Variants in CHEK1 observed in about 807,000 individuals in gnomAD.
The protein encoded by CHEK1 is checkpoint kinase 1.
In CHEK1, 32 loss-of-function variants were observed where a neutral mutation model predicts 60.2. That is an observed-to-expected ratio of 0.53 (90% CI 0.40 to 0.71). The LOEUF is 0.71. Ranked by LOEUF, CHEK1 falls within the 30% of genes least tolerant of loss-of-function variation. The pLI, the probability that CHEK1 is intolerant of heterozygous loss-of-function variation, is 0.00. For missense variants in CHEK1, 399 were observed against 564.6 expected (o/e 0.71, Z 2.97); for synonymous variants, 179 against 187.2 (o/e 0.96, Z 0.36).
intron 11 of CHEK1, among the ~76,000 whole-genome samples, chr11:125,650,705 G>T (rs11220173): frequency 0.11 from 16,381 of 152,014 alleles, 1,174 homozygotes; most frequent in Admixed American, 0.23. Context: ...TGGGATTACA[G>T]GTGTGAGGCA....
At position 125,641,278 on chromosome 11, in the gene CHEK1, A is replaced by G. The variant is rs1207278019; in HGVS notation, c.815-2514A>G. Among the ~76,000 whole-genome samples, 12 of 147,426 alleles carry G rather than the reference A, an allele frequency of 8.1e-5. No homozygotes were observed. The East Asian group carries it at 2.4e-3, about 29-fold the overall frequency. ...TCTTCATTTGGCTTCCAGGCGTTAC[A>G]CTCTTCTGATTTTCGTCCTTCTCAC... On this transcript the variant is annotated intron_variant, in intron 8 of 12. Transcript: ENST00000438015.
At chr11:125,672,408 G>A (rs1942231994) in intron 13 of CHEK1, 2 of 668,036 alleles carry the variant, frequency 3.0e-6, no homozygotes, top group Non-Finnish European at 2.5e-6. Flanking sequence ...GGGAAGACAG[G>A]ACAGAGAAGA....
At chr11:125,674,809 G>A (rs1470178012) in intron 13 of CHEK1, among the ~76,000 whole-genome samples, 1 of 152,168 alleles carries the variant, frequency 6.6e-6, no homozygotes, top group African/African-American at 2.4e-5. Flanking sequence ...ATAAATAAAG[G>A]AGAACTATTA....
At chr11:125,674,775 T>G (rs1942406396) in intron 13 of CHEK1, among the ~76,000 whole-genome samples, 1 of 152,200 alleles carries the variant, frequency 6.6e-6, no homozygotes, top group Non-Finnish European at 1.5e-5. Flanking sequence ...TATTTTAAAA[T>G]GCATATCATA....
At chr11:125,662,764 T>C (rs543037539) in intron 13 of CHEK1, among the ~76,000 whole-genome samples, 1 of 152,350 alleles carries the variant, frequency 6.6e-6, no homozygotes, top group South Asian at 2.1e-4. Flanking sequence ...TACTCAATTA[T>C]ATGGTAGTCA....
downstream of CHEK1, chr11:125,680,957 G>C: frequency 1.8e-6 from 1 of 557,372 alleles, no homozygotes. Flanking sequence ...TGTGTAGCCT[G>C]TTCAGGCAAG....
chr11:125,628,741 C>G (rs1940732950), intron 3 of CHEK1, among the ~76,000 whole-genome samples: 1 of 151,986 alleles, frequency 6.6e-6, no homozygotes, highest in Non-Finnish European at 1.5e-5. Flanking sequence ...GATCTCACGC[C>G]AGGGCACTCC....
exon 14 of CHEK1, chr11:125,676,229 T>C: frequency 1.6e-6 from 2 of 1,264,160 alleles, no homozygotes; most frequent in Non-Finnish European, 2.2e-6. Context: ...TCTTAGTCCT[T>C]GAAAAAATAA....
intron 2 of CHEK1, 113 bp downstream of exon 2, chr11:125,626,946 G>C (rs1940639634): frequency 8.8e-7 from 1 of 1,130,930 alleles, no homozygotes; most frequent in African/African-American, 1.6e-5. Flanking sequence ...TTTGGCAACT[G>C]AAGTTACACA....
intron 2 of CHEK1, among the ~76,000 whole-genome samples, chr11:125,627,355 C>CA (rs2135970955): frequency 6.6e-6 from 1 of 151,888 alleles, no homozygotes; most frequent in East Asian, 1.9e-4. Context: ...AGAATTATCT[C>CA]AATCTATTTT....
chr11:125,680,699 A>G (rs199922674), downstream of CHEK1: 173 of 1,603,374 alleles, frequency 1.1e-4, no homozygotes, highest in Non-Finnish European at 1.4e-4. Context: ...CCCCTTTTGT[A>G]TTTACCTGAA....
Position 125,664,353 on chromosome 11 carries a change from C to CTT in CHEK1, c.*27+9006_*27+9007insTT, listed in dbSNP as rs1565388248. Among the ~76,000 whole-genome samples the CTT allele has an allele frequency of 2.0e-5, 3 of 150,862 alleles. No homozygotes were observed. In the East Asian group the frequency reaches 5.9e-4, roughly 30 times the overall value. ...GGTTCAAGCAATTCTCCTACCTCAG[C>CTT]CTCCCAAGTAGCTGGGATTACAGGC... On this transcript the variant is annotated intron_variant, in intron 13 of 13. Transcript: ENST00000428830.
intron 13 of CHEK1, among the ~76,000 whole-genome samples, chr11:125,674,513 C>G (rs112450265): frequency 1.1e-4 from 16 of 152,302 alleles, no homozygotes; most frequent in African/African-American, 3.9e-4. Flanking sequence ...AGAGTGTAAA[C>G]AGGGATGCAG....
At chr11:125,633,892 A>C (rs968924667) in intron 6 of CHEK1, among the ~76,000 whole-genome samples, 3 of 151,978 alleles carry the variant, frequency 2.0e-5, no homozygotes, top group African/African-American at 7.3e-5. Context: ...AGGGGTGCCA[A>C]CCTGGTCATG....
downstream of CHEK1, among the ~76,000 whole-genome samples, chr11:125,677,581 T>G (rs1942571914): frequency 6.6e-6 from 1 of 152,130 alleles, no homozygotes; most frequent in Non-Finnish European, 1.5e-5. Flanking sequence ...TTTGTTTTAT[T>G]TTTCTTATAG....
At chr11:125,658,369 G>A (rs1240217610), downstream of CHEK1, among the ~76,000 whole-genome samples, 1 of 152,168 alleles carries the variant, frequency 6.6e-6, no homozygotes, top group East Asian at 1.9e-4. Flanking sequence ...ATGAGGTAGA[G>A]CATTTTATGA....
At position 125,653,866 on chromosome 11, in the gene CHEK1, G is replaced by A. The variant is rs753023560; in HGVS notation, c.1335+19G>A. On this transcript the variant is annotated intron_variant, in intron 12 of 12. Coordinates refer to ENST00000438015, the MANE Select transcript of CHEK1 (RefSeq NM_001114122.3). The surrounding 1 kb of genome is among the most constrained non-coding windows in gnomAD (Gnocchi z 4.3). ...TTCTAAGGTATTTTTATGTTTTATTGTATTCTTTCTATGGAAATATTTCTA... is the reference window on the plus strand; with the variant it reads ...TTCTAAGGTATTTTTATGTTTTATTATATTCTTTCTATGGAAATATTTCTA... 3 of 1,339,920 alleles carry A rather than the reference G, an allele frequency of 2.2e-6. No individual in the cohort carries two copies. The highest frequency in any genetic ancestry group is 2.4e-5 in the East Asian group (1 of 41,792). 83.0% of individuals were successfully genotyped at this position (1,339,920 alleles called of 1,614,324 possible). A position where few individuals can be genotyped will look rare whatever the true frequency, so the allele number is the denominator to read the frequency against.
At chr11:125,673,300 G>C (rs903450796) in intron 13 of CHEK1, among the ~76,000 whole-genome samples, 2 of 151,640 alleles carry the variant, frequency 1.3e-5, no homozygotes, top group African/African-American at 4.8e-5. Context: ...CACCTCCCAG[G>C]TTCAAGCGAT....
chr11:125,663,989 C>T (rs1180385012), intron 13 of CHEK1, among the ~76,000 whole-genome samples: 1 of 151,980 alleles, frequency 6.6e-6, no homozygotes, highest in African/African-American at 2.4e-5. Flanking sequence ...TCAACTTGGT[C>T]GAAGATCAGA....
Sources: allele counts gnomAD v4.1 joint callset (sites outside exome capture counted in the v4.1 genomes callset), GRCh38; gene constraint gnomAD v4.1.1; non-coding constraint Gnocchi (gnomAD v3.1); transcripts MANE v1.5; gene names NCBI Gene and HGNC (gene_info 2026-07-23, HGNC 2026-07-21).